SPRY3: variants seen among roughly 807,000 people sequenced by gnomAD.
SPRY3 encodes the protein sprouty RTK signaling antagonist 3.
A neutral mutation model predicts 20.2 loss-of-function variants in SPRY3; 15 were observed. That is an observed-to-expected ratio of 0.74 (90% CI 0.50 to 1.14). The LOEUF (loss-of-function observed/expected upper bound fraction) is 1.14. Among genes scored for constraint, SPRY3 ranks in the 50% most tolerant of loss-of-function variants. SPRY3 has a pLI of 0.00. For missense variants in SPRY3, 364 were observed against 363.9 expected (o/e 1.00, Z 0.00); for synonymous variants, 143 against 136.5 (o/e 1.05, Z -0.33).
chrX:155,660,785 CTT>C (rs111299450), intron 2 of SPRY3, among the ~76,000 whole-genome samples: 5 of 100,009 alleles, frequency 5.0e-5, no homozygotes, highest in African/African-American at 7.2e-5. Flanking sequence ...CCTTCTTTGT[CTT>C]TTTTTTTTTT....
intron 2 of SPRY3, among the ~76,000 whole-genome samples, chrX:155,693,859 A>G (rs2068110676): frequency 1.0e-5 from 1 of 99,940 alleles, no homozygotes; most frequent in Non-Finnish European, 2.0e-5. Flanking sequence ...CAGGAATACA[A>G]TGGCACAATC....
intron 2 of SPRY3, among the ~76,000 whole-genome samples, chrX:155,671,586 AT>A (rs1234721422): frequency 1.8e-5 from 2 of 110,919 alleles, no homozygotes; most frequent in South Asian, 3.7e-4. Context: ...ATATGTATGT[AT>A]TTTTATATGT....
At chrX:155,781,111 TAG>T (rs58162650), downstream of SPRY3, 10,553 of 163,002 alleles carry the variant, frequency 0.065, 818 homozygotes, top group African/African-American at 0.2. Context: ...GAGAGAAAGA[TAG>T]AGAGAGAGAG....
intron 2 of SPRY3, among the ~76,000 whole-genome samples, chrX:155,668,645 T>C (rs1331205336): frequency 9.0e-6 from 1 of 111,211 alleles, no homozygotes; most frequent in African/African-American, 3.3e-5. Context: ...TCCTTTGTTT[T>C]GAGCCTGCTT....
intron 2 of SPRY3, among the ~76,000 whole-genome samples, chrX:155,710,392 T>C (rs1345384332): frequency 6.6e-6 from 1 of 151,796 alleles, no homozygotes; most frequent in Non-Finnish European, 1.5e-5. Flanking sequence ...TTTGGTTAAG[T>C]TAATTTCTAG....
chrX:155,721,881 A>G (rs1042579636), intron 2 of SPRY3, among the ~76,000 whole-genome samples: 18 of 152,142 alleles, frequency 1.2e-4, no homozygotes, highest in Non-Finnish European at 2.4e-4. Flanking sequence ...AAAACTCACT[A>G]GCAGTAGTAG....
At chrX:155,778,602 C>T (rs990807792), downstream of SPRY3, 15 of 166,988 alleles carry the variant, frequency 9.0e-5, no homozygotes, top group African/African-American at 3.6e-4. Flanking sequence ...AACATTCAAC[C>T]TTATTGATTA....
intron 2 of SPRY3, among the ~76,000 whole-genome samples, chrX:155,679,538 T>A (rs2124565709): frequency 8.9e-6 from 1 of 111,748 alleles, no homozygotes; most frequent in East Asian, 2.9e-4. Flanking sequence ...TCTGCCCTCA[T>A]GACTTAATCA....
At chrX:155,714,503 T>C (rs979728238) in intron 2 of SPRY3, among the ~76,000 whole-genome samples, 5 of 152,104 alleles carry the variant, frequency 3.3e-5, no homozygotes, top group African/African-American at 1.2e-4. Flanking sequence ...TTCCTTACTT[T>C]CTCCCAAACA....
intron 1 of SPRY3, among the ~76,000 whole-genome samples, chrX:155,629,353 T>C (rs2067898831): frequency 9.0e-6 from 1 of 110,924 alleles, no homozygotes; most frequent in East Asian, 2.9e-4. Context: ...TTTTTATGGC[T>C]GCATAGTATT....
chrX:155,723,073 GT>G (rs2091071854), intron 2 of SPRY3, among the ~76,000 whole-genome samples: 1 of 152,040 alleles, frequency 6.6e-6, no homozygotes, highest in South Asian at 2.1e-4. Context: ...CAGAATGATG[GT>G]TTCCAGCTTC....
chrX:155,613,342 T>G (rs932242993), intron 1 of SPRY3, among the ~76,000 whole-genome samples: 4 of 111,380 alleles, frequency 3.6e-5, no homozygotes, highest in African/African-American at 1.3e-4. Context: ...CCAGATACAG[T>G]GCTACATACA....
intron 3 of SPRY3, among the ~76,000 whole-genome samples, chrX:155,772,709 G>A (rs1221973401): frequency 6.6e-6 from 1 of 151,932 alleles, no homozygotes. Flanking sequence ...AAATCCTTCA[G>A]GGAATGACCA....
rs1166313819 is a variant in SPRY3, at chrX:155,773,775, A to G, written c.-97A>G. The G allele has an allele frequency of 1.1e-5, 15 of 1,390,708 alleles. No homozygotes were observed. Among genetic ancestry groups the G allele is most frequent in the Non-Finnish European group, 1.4e-5 (14 of 1,015,580 alleles). 86.1% of individuals were successfully genotyped at this position (1,390,708 alleles called of 1,614,324 possible). A position where few individuals can be genotyped will look rare whatever the true frequency, so the allele number is the denominator to read the frequency against. ...ATGCCTTCTCTCCTAGGATTTTCTC[A>G]TGTGCCCTGAAATCCATGTAACTAC... is the stretch of plus-strand genomic sequence containing the variant. On this transcript the variant is annotated 5_prime_UTR_variant, in exon 4 of 4. The change abolishes an upstream ATG in the 5' untranslated region. Coordinates refer to ENST00000675360, the Ensembl canonical transcript of SPRY3.
At chrX:155,683,889 T>A (rs1392229820) in intron 2 of SPRY3, among the ~76,000 whole-genome samples, 3 of 111,171 alleles carry the variant, frequency 2.7e-5, no homozygotes, top group Non-Finnish European at 5.7e-5. Flanking sequence ...ATGATCTAAC[T>A]AAGGAGAATG....
chrX:155,650,805 G>T (rs2067974978), intron 1 of SPRY3, among the ~76,000 whole-genome samples: 1 of 111,659 alleles, frequency 9.0e-6, no homozygotes, highest in African/African-American at 3.3e-5. Flanking sequence ...GACAAAAACT[G>T]AGCACTATGA....
intron 2 of SPRY3, among the ~76,000 whole-genome samples, chrX:155,729,293 G>C (rs1339175892): frequency 2.6e-5 from 4 of 152,036 alleles, no homozygotes; most frequent in Non-Finnish European, 5.9e-5. Context: ...CATTCTCTAA[G>C]ATAGATTATA....
intron 2 of SPRY3, among the ~76,000 whole-genome samples, chrX:155,767,338 G>A (rs2091338830): frequency 2.0e-5 from 3 of 151,824 alleles, no homozygotes; most frequent in Admixed American, 2.0e-4. Context: ...TCACAAAACG[G>A]CCAGCTAGCT....
intron 2 of SPRY3, among the ~76,000 whole-genome samples, chrX:155,721,261 TA>T (rs1186171159): frequency 6.6e-6 from 1 of 150,716 alleles, no homozygotes; most frequent in Non-Finnish European, 1.5e-5. Flanking sequence ...GAAACCAAAA[TA>T]AAAAAAGAAT....
Sources: gnomAD v4.1 joint callset for allele counts (sites outside exome capture counted in the v4.1 genomes callset) on GRCh38, gnomAD v4.1.1 for gene constraint, MANE v1.5 for transcripts, NCBI Gene and HGNC (gene_info 2026-07-23, HGNC 2026-07-21) for gene names.